The following GRIK2 variants were observed in gnomAD, a reference collection of about 807,000 sequenced individuals.
GRIK2 encodes the protein glutamate receptor ionotropic, kainate 2.
Under a neutral mutation model 100.3 loss-of-function variants are expected in GRIK2, and 32 were observed. The ratio of observed to expected loss-of-function variants is 0.32; its 90% CI spans 0.24 to 0.43. The LOEUF is 0.43. Ranked by LOEUF, GRIK2 falls within the 20% of genes least tolerant of loss-of-function variation. The probability of loss-of-function intolerance (pLI) is 1.00; values close to 1 mark genes in which losing one functional copy is unlikely to be tolerated. For synonymous variants in GRIK2, 417 were observed against 389.4 expected (o/e 1.07, Z -0.83); for missense variants, 843 against 1,114.9 (o/e 0.76, Z 3.47).
intron 2 of GRIK2, among the ~76,000 whole-genome samples, chr6:101,576,905 T>C (rs1471073426): frequency 6.6e-6 from 1 of 152,074 alleles, no homozygotes; most frequent in Non-Finnish European, 1.5e-5. Context: ...AAAATGTCCT[T>C]GTAGTACATA....
intron 11 of GRIK2, among the ~76,000 whole-genome samples, chr6:101,864,852 C>G (rs1443463103): frequency 2.0e-5 from 3 of 152,044 alleles, no homozygotes; most frequent in Non-Finnish European, 4.4e-5. Flanking sequence ...ATTTTTAAAG[C>G]CACATTATCC....
At chr6:102,030,321 C>G (rs539460862) in intron 14 of GRIK2, among the ~76,000 whole-genome samples, 1 of 151,342 alleles carries the variant, frequency 6.6e-6, no homozygotes, top group Admixed American at 6.6e-5. Flanking sequence ...GCTCAAATCT[C>G]TTCAATCTTT....
At chr6:101,535,898 A>G (rs1383436450) in intron 2 of GRIK2, among the ~76,000 whole-genome samples, 1 of 151,756 alleles carries the variant, frequency 6.6e-6, no homozygotes, top group Non-Finnish European at 1.5e-5. Context: ...ACAAAACATC[A>G]AACCAATTAG....
chr6:101,543,875 T>C (rs1776115403), intron 2 of GRIK2, among the ~76,000 whole-genome samples: 1 of 152,160 alleles, frequency 6.6e-6, no homozygotes, highest in African/African-American at 2.4e-5. Context: ...GAGAAATGCT[T>C]AGTAAGGGGA....
rs1452249021 is a variant in GRIK2, at chr6:101,898,776, G to A, written c.1748+8913G>A. Among the ~76,000 whole-genome samples the A allele has an allele frequency of 2.0e-5, 3 of 151,878 alleles. No homozygotes were observed. In the East Asian group the frequency reaches 5.8e-4, roughly 29 times the overall value. Reference sequence around the variant, plus strand: ...ATTGTGAGTTTTTCTGAAGACTCAAGTGGTATTAGTATTGTTTTTTCATAA... The same window carrying A: ...ATTGTGAGTTTTTCTGAAGACTCAAATGGTATTAGTATTGTTTTTTCATAA... On this transcript the variant is annotated intron_variant, in intron 12 of 16. Coordinates refer to ENST00000369134, the MANE Select transcript of GRIK2 (RefSeq NM_021956.5).
intron 2 of GRIK2, among the ~76,000 whole-genome samples, chr6:101,406,914 C>G (rs1241374543): frequency 6.6e-6 from 1 of 152,074 alleles, no homozygotes; most frequent in East Asian, 1.9e-4. Context: ...CCTTTTCAAT[C>G]AATTAGCTAC....
At position 101,444,658 on chromosome 6, in the gene GRIK2, T is replaced by C. The variant is rs148385571; in HGVS notation, c.115+45266T>C. 2.5e-3 allele frequency among the ~76,000 whole-genome samples: 377 copies of C among 152,240 alleles called. 2 individuals are homozygous for C. Among genetic ancestry groups the C allele is most frequent in the African/African-American group, 8.7e-3 (360 of 41,564 alleles). On this transcript the variant is annotated intron_variant, in intron 2 of 16. Transcript: ENST00000369134. ...TAAGTAAAAATTTTCAATTCAGGAA[T>C]TGCAATCCTTTCTTATTGAAAATCT...
chr6:101,417,317 C>A (rs749652197), intron 2 of GRIK2, among the ~76,000 whole-genome samples: 3 of 152,098 alleles, frequency 2.0e-5, no homozygotes, highest in Non-Finnish European at 4.4e-5. Context: ...GGGGACACAG[C>A]CAAACCATAT....
intron 2 of GRIK2, among the ~76,000 whole-genome samples, chr6:101,495,301 C>T (rs376439388): frequency 2.6e-5 from 4 of 151,836 alleles, no homozygotes; most frequent in Admixed American, 2.0e-4. Flanking sequence ...GTTAGGAGAT[C>T]GAGACCATCC....
At chr6:101,556,049 C>CT (rs1160327259) in intron 2 of GRIK2, among the ~76,000 whole-genome samples, 1 of 152,000 alleles carries the variant, frequency 6.6e-6, no homozygotes. Flanking sequence ...TCAGTAGGCT[C>CT]TCTTGAATTA....
chr6:102,026,877 C>A (rs1769732274), intron 14 of GRIK2, among the ~76,000 whole-genome samples: 1 of 151,242 alleles, frequency 6.6e-6, no homozygotes. Flanking sequence ...GGACTCAGAT[C>A]CACCTTTGAT....
chr6:102,031,462 A>T (rs899459182), intron 14 of GRIK2, among the ~76,000 whole-genome samples: 2 of 116,772 alleles, frequency 1.7e-5, no homozygotes, highest in East Asian at 4.8e-4. Context: ...TATTTTAAAA[A>T]TTTTTAATAA....
chr6:102,002,616 T>C lies in GRIK2; in HGVS notation c.2086-32725T>C, dbSNP rs183463466. ...CTTTACAAGGTCTATTTTTGTTAAG[T>C]TTACTTATGCTATAAAATTATTTTT... On this transcript the variant is annotated intron_variant, in intron 14 of 16. Transcript: ENST00000369134. Among the ~76,000 whole-genome samples, 27 of 150,916 alleles carry C rather than the reference T, an allele frequency of 1.8e-4. No homozygotes were observed. In the East Asian group the frequency reaches 4.9e-3, roughly 27 times the overall value.
intron 1 of GRIK2, among the ~76,000 whole-genome samples, chr6:101,398,034 A>C (rs1775083233): frequency 6.6e-6 from 1 of 152,224 alleles, no homozygotes; most frequent in South Asian, 2.1e-4. Flanking sequence ...TAAACTCCTA[A>C]CGAAAGCCAA....
chr6:101,924,811 G>T, intron 13 of GRIK2, 92 bp downstream of exon 13: 2 of 766,258 alleles, frequency 2.6e-6, no homozygotes, highest in Non-Finnish European at 2.3e-6. Flanking sequence ...GCTTGCATGG[G>T]TGCCTCTGTG....
intron 4 of GRIK2, among the ~76,000 whole-genome samples, chr6:101,633,990 G>GT (rs542109965): frequency 1.7e-4 from 26 of 151,686 alleles, no homozygotes; most frequent in East Asian, 3.9e-4. Flanking sequence ...TTTTGTGGGG[G>GT]TTTTTTTTGG....
chr6:101,454,079 C>T (rs1770859777), intron 2 of GRIK2, among the ~76,000 whole-genome samples: 1 of 151,990 alleles, frequency 6.6e-6, no homozygotes, highest in African/African-American at 2.4e-5. Context: ...TGAGTTATTC[C>T]TACCGTAGAC....
At chr6:101,966,023 T>C (rs904367324) in intron 14 of GRIK2, among the ~76,000 whole-genome samples, 2 of 152,098 alleles carry the variant, frequency 1.3e-5, no homozygotes, top group Non-Finnish European at 2.9e-5. Flanking sequence ...AATAAATATT[T>C]CGTGACTGCA....
chr6:101,434,763 T>C (rs1769619325), intron 2 of GRIK2, among the ~76,000 whole-genome samples: 1 of 152,184 alleles, frequency 6.6e-6, no homozygotes, highest in Admixed American at 6.5e-5. Context: ...CCCTTTGTTC[T>C]TGAGGTGAGA....
Sources: gnomAD v4.1 joint callset for allele counts (sites outside exome capture counted in the v4.1 genomes callset) on GRCh38, gnomAD v4.1.1 for gene constraint, MANE v1.5 for transcripts, NCBI Gene and HGNC (gene_info 2026-07-23, HGNC 2026-07-21) for gene names.